Variants in CNTNAP2 observed in about 807,000 individuals in gnomAD.
CNTNAP2 encodes contactin-associated protein-like 2.
In CNTNAP2, 98 loss-of-function variants were observed where a neutral mutation model predicts 155.2. The observed-to-expected ratio is 0.63, with a 90% CI of 0.54 to 0.75. The LOEUF is 0.75. Ranked by LOEUF, CNTNAP2 falls within the 30% of genes least tolerant of loss-of-function variation. The pLI, the probability that CNTNAP2 is intolerant of heterozygous loss-of-function variation, is 0.00. For synonymous variants in CNTNAP2, 651 were observed against 631.2 expected, an observed-to-expected ratio of 1.03 and a Z score of -0.47; for missense variants, 1,727 against 1,688.1, an observed-to-expected ratio of 1.02 and a Z score of -0.40.
chr7:146,953,357 T>C (rs10252942), intron 3 of CNTNAP2, among the ~76,000 whole-genome samples: 1 of 151,948 alleles, frequency 6.6e-6, no homozygotes, highest in Non-Finnish European at 1.5e-5. Context: ...CTGCAACTTG[T>C]AGTTTAAACT....
At chr7:146,992,883 C>A (rs1408639033) in intron 3 of CNTNAP2, among the ~76,000 whole-genome samples, 1 of 152,102 alleles carries the variant, frequency 6.6e-6, no homozygotes, top group Non-Finnish European at 1.5e-5. Context: ...GGAATGTATT[C>A]CTCACATTGT....
chr7:146,423,434 A>G (rs1333312581), intron 1 of CNTNAP2, among the ~76,000 whole-genome samples: 2 of 152,198 alleles, frequency 1.3e-5, no homozygotes, highest in African/African-American at 4.8e-5. Context: ...GATAAAAGCC[A>G]TGGAAGAAAA....
In CNTNAP2 at chr7:147,423,703, C is replaced by G. The variant is rs139881723; in HGVS notation, c.1670+27923C>G. ...CTCCTCCATTGATACCATCCTCCAG[C>G]ATGTCTTAATCACTCAGTTCCAAGA... is the stretch of plus-strand genomic sequence containing the variant. On this transcript the variant is annotated intron_variant, in intron 10 of 23. Transcript: ENST00000361727. Among the ~76,000 whole-genome samples the G allele has an allele frequency of 5.3e-4, 80 of 152,270 alleles. 3 individuals are homozygous for G. The East Asian group carries it at 0.015, about 29-fold the overall frequency.
intron 8 of CNTNAP2, among the ~76,000 whole-genome samples, chr7:147,259,828 A>T (rs764447946): frequency 6.6e-6 from 1 of 152,218 alleles, no homozygotes; most frequent in African/African-American, 2.4e-5. Flanking sequence ...TATTCTTTAT[A>T]TTATCCAAAC....
Position 148,295,865 on chromosome 7 carries a change from AC to A in CNTNAP2, c.3475+28742del, listed in dbSNP as rs568807295. Among the ~76,000 whole-genome samples the A allele has an allele frequency of 1.1e-3, 163 of 152,228 alleles. 2 individuals are homozygous for A. The highest frequency in any genetic ancestry group is 7.1e-3 in the South Asian group (34 of 4,806). On this transcript the variant is annotated intron_variant, in intron 21 of 23. Transcript: ENST00000361727. ...AATAGAAAAAAAAGCAGTGATAGGG[AC>A]CCACCTTCAGACACTTAAGACATTA...
chr7:147,125,843 A>G (rs1298293703), intron 6 of CNTNAP2, among the ~76,000 whole-genome samples: 2 of 152,228 alleles, frequency 1.3e-5, no homozygotes, highest in African/African-American at 4.8e-5. Flanking sequence ...TTAAGATTAC[A>G]TAGGCTACAT....
chr7:147,060,166 T>C (rs1397485812), intron 4 of CNTNAP2, among the ~76,000 whole-genome samples: 1 of 145,818 alleles, frequency 6.9e-6, no homozygotes, highest in Non-Finnish European at 1.5e-5. Context: ...TTCTCAAAGG[T>C]CCCAAAGTAA....
At chr7:147,437,921 T>C (rs1433002574) in intron 10 of CNTNAP2, among the ~76,000 whole-genome samples, 1 of 152,184 alleles carries the variant, frequency 6.6e-6, no homozygotes, top group Non-Finnish European at 1.5e-5. Context: ...AGATTGATCA[T>C]TGTTGGCATA....
intron 3 of CNTNAP2, among the ~76,000 whole-genome samples, chr7:146,925,413 T>G (rs1169752657): frequency 6.6e-6 from 1 of 152,084 alleles, no homozygotes; most frequent in African/African-American, 2.4e-5. Context: ...AAATCAATGT[T>G]GGACATTATT....
chr7:146,913,276 A>G lies in CNTNAP2; in HGVS notation c.402+73372A>G, dbSNP rs578143238. 1.2e-4 allele frequency among the ~76,000 whole-genome samples: 19 copies of G among 152,240 alleles called. 1 individual carries two copies. In the South Asian group the frequency reaches 3.7e-3, roughly 30 times the overall value. Reference sequence around the variant, plus strand: ...TCTGTAAGAGAGCTGCGAATATGGAAAGAGGATGAGGCTGCAACATTGGTG... The same window carrying G: ...TCTGTAAGAGAGCTGCGAATATGGAGAGAGGATGAGGCTGCAACATTGGTG... On this transcript the variant is annotated intron_variant, in intron 3 of 23. Transcript: ENST00000361727.
At chr7:147,179,183 T>C (rs1345168152) in intron 8 of CNTNAP2, among the ~76,000 whole-genome samples, 1 of 152,198 alleles carries the variant, frequency 6.6e-6, no homozygotes, top group African/African-American at 2.4e-5. Flanking sequence ...TCAACAATTA[T>C]ATAGTGAACA....
chr7:147,887,212 C>T (rs1262957649), intron 13 of CNTNAP2, among the ~76,000 whole-genome samples: 1 of 152,212 alleles, frequency 6.6e-6, no homozygotes, highest in Non-Finnish European at 1.5e-5. Context: ...TGGCTCACGC[C>T]TGTAATCCCA....
chr7:147,092,335 T>G (rs1253876808), intron 4 of CNTNAP2, among the ~76,000 whole-genome samples: 1 of 152,232 alleles, frequency 6.6e-6, no homozygotes, highest in African/African-American at 2.4e-5. Context: ...TACAGAATTC[T>G]GCAACTTTGC....
chr7:148,327,125 C>T (rs1409153924), intron 21 of CNTNAP2, among the ~76,000 whole-genome samples: 3 of 152,168 alleles, frequency 2.0e-5, no homozygotes, highest in Non-Finnish European at 4.4e-5. Flanking sequence ...AGTGAAATAC[C>T]TACCACTGAA....
At chr7:147,147,943 A>G (rs1304152079) in intron 8 of CNTNAP2, among the ~76,000 whole-genome samples, 2 of 152,176 alleles carry the variant, frequency 1.3e-5, no homozygotes, top group Non-Finnish European at 2.9e-5. Flanking sequence ...TGAATATTGC[A>G]AACACACACA....
intron 1 of CNTNAP2, among the ~76,000 whole-genome samples, chr7:146,621,224 C>T (rs1404278257): frequency 6.6e-6 from 1 of 152,140 alleles, no homozygotes; most frequent in Admixed American, 6.6e-5. Context: ...TTTAGATTTA[C>T]AGAAAAGTTG....
At chr7:147,188,916 C>T (rs1802623988) in intron 8 of CNTNAP2, among the ~76,000 whole-genome samples, 2 of 152,138 alleles carry the variant, frequency 1.3e-5, no homozygotes, top group Admixed American at 6.5e-5. Flanking sequence ...GCTAGCATCA[C>T]AAAATTACCA....
chr7:148,126,432 T>C (rs1461012021), intron 16 of CNTNAP2, among the ~76,000 whole-genome samples: 1 of 152,186 alleles, frequency 6.6e-6, no homozygotes, highest in Admixed American at 6.5e-5. Flanking sequence ...ACTGAGGTGC[T>C]GGCGATCCAA....
chr7:146,961,520 AT>A (rs1413413107), intron 3 of CNTNAP2, among the ~76,000 whole-genome samples: 1 of 151,978 alleles, frequency 6.6e-6, no homozygotes, highest in East Asian at 1.9e-4. Flanking sequence ...ACTTTCTTTC[AT>A]TTTTACACCC....
Sources: gnomAD v4.1 joint callset for allele counts (sites outside exome capture counted in the v4.1 genomes callset) on GRCh38, gnomAD v4.1.1 for gene constraint, MANE v1.5 for transcripts, NCBI Gene and HGNC (gene_info 2026-07-23, HGNC 2026-07-21) for gene names.